Variants in RELCH observed in about 807,000 individuals in gnomAD.
The protein encoded by RELCH is RAB11-binding protein RELCH.
RELCH carries 41 observed loss-of-function variants against 150.3 expected under a neutral mutation model. That is an observed-to-expected ratio of 0.27 (90% CI 0.21 to 0.35). RELCH has a LOEUF of 0.35. Ranked by LOEUF, RELCH falls within the 10% of genes least tolerant of loss-of-function variation. The probability of loss-of-function intolerance (pLI) is 1.00; values close to 1 mark genes in which losing one functional copy is unlikely to be tolerated. For missense variants in RELCH, 1,092 were observed against 1,467.8 expected, an observed-to-expected ratio of 0.74 and a Z score of 4.18; for synonymous variants, 478 against 531.8, an observed-to-expected ratio of 0.90 and a Z score of 1.39.
intron 19 of RELCH, among the ~76,000 whole-genome samples, chr18:62,267,134 AG>A (rs1439897385): frequency 6.6e-6 from 1 of 151,936 alleles, no homozygotes; most frequent in Non-Finnish European, 1.5e-5. Context: ...ATAGTGGAAA[AG>A]AACGGTATAT....
intron 22 of RELCH, chr18:62,277,565 C>A (rs536758559): frequency 5.8e-5 from 44 of 752,918 alleles, no homozygotes; most frequent in Admixed American, 6.3e-5. Flanking sequence ...ATAAAAAAAA[C>A]ACATTCTTTT....
chr18:62,211,515 T>C (rs1007270404), intron 2 of RELCH, among the ~76,000 whole-genome samples: 3 of 152,220 alleles, frequency 2.0e-5, no homozygotes, highest in Admixed American at 1.3e-4. Flanking sequence ...GTAAAACTAA[T>C]GTATGACAGG....
At chr18:62,221,569 C>CTT (rs61684460) in intron 5 of RELCH, 72 bp downstream of exon 5, 825 of 469,020 alleles carry the variant, frequency 1.8e-3, no homozygotes, top group Middle Eastern at 6.9e-3. Flanking sequence ...TACGTAGTTT[C>CTT]TTTTTTTTTT....
chr18:62,267,961 A>G (rs185594287), intron 19 of RELCH, among the ~76,000 whole-genome samples: 1 of 152,128 alleles, frequency 6.6e-6, no homozygotes, highest in Non-Finnish European at 1.5e-5. Flanking sequence ...AGGTACTCTC[A>G]CCAAGAGAAT....
chr18:62,285,396 G>T (rs1214382844), intron 25 of RELCH: 1 of 152,108 alleles, frequency 6.6e-6, no homozygotes. Flanking sequence ...AAAGAAAAAG[G>T]CTTCTGCAGT....
chr18:62,236,626 CTT>C (rs1313962829), intron 10 of RELCH, among the ~76,000 whole-genome samples: 1 of 151,836 alleles, frequency 6.6e-6, no homozygotes, highest in Non-Finnish European at 1.5e-5. Context: ...ATAGTATTAA[CTT>C]ATATCTTTTA....
At chr18:62,191,652 G>T (rs976405113) in intron 1 of RELCH, among the ~76,000 whole-genome samples, 1 of 152,138 alleles carries the variant, frequency 6.6e-6, no homozygotes, top group African/African-American at 2.4e-5. Flanking sequence ...TTGGTTTTCT[G>T]TTTCTGTGTT....
chr18:62,292,761 TGTCTTTCTAATCTCTTCC>T (rs2045217942), intron 27 of RELCH, among the ~76,000 whole-genome samples: 1 of 152,220 alleles, frequency 6.6e-6, no homozygotes, highest in Admixed American at 6.5e-5. Context: ...AATTTCATAA[TGTCTTTCTAATCTCTTCC>T]GTTTCTTTAT....
rs1600274857 is a variant in RELCH, at chr18:62,294,968, G to A, written c.3459+3337G>A. ...TATTGGGGAACATTCTTTCTCACTGGTTTCTTTGTCAATTATTATAAAAAT... is the reference window on the plus strand; with the variant it reads ...TATTGGGGAACATTCTTTCTCACTGATTTCTTTGTCAATTATTATAAAAAT... On this transcript the variant is annotated intron_variant, in intron 27 of 28. Coordinates refer to ENST00000644646, the MANE Select transcript of RELCH (RefSeq NM_001346231.2). 2.0e-5 allele frequency among the ~76,000 whole-genome samples: 3 copies of A among 152,176 alleles called. No homozygotes were observed. In the South Asian group the frequency reaches 6.2e-4, roughly 32 times the overall value.
At chr18:62,287,103 C>T (rs1370363107) in intron 25 of RELCH, among the ~76,000 whole-genome samples, 1 of 152,066 alleles carries the variant, frequency 6.6e-6, no homozygotes, top group African/African-American at 2.4e-5. Flanking sequence ...TATATACATC[C>T]TCATAATTAG....
intron 13 of RELCH, among the ~76,000 whole-genome samples, chr18:62,256,945 A>G (rs1469860673): frequency 6.6e-6 from 1 of 152,044 alleles, no homozygotes; most frequent in Non-Finnish European, 1.5e-5. Context: ...ACCAACCTAA[A>G]TGTGTTTTAA....
In RELCH at chr18:62,305,357, A is replaced by G; in HGVS notation, c.3531-57A>G. 1.3e-6 allele frequency: 2 copies of G among 1,500,582 alleles called. No homozygotes were observed. Among genetic ancestry groups the G allele is most frequent in the Non-Finnish European group, 1.8e-6 (2 of 1,111,528 alleles). The allele number at this position is 1,500,582 out of a possible 1,614,324, so 93.0% of individuals were successfully genotyped here. On this transcript the variant is annotated intron_variant, in intron 28 of 28. Transcript: ENST00000644646. The surrounding 1 kb of genome is among the most constrained non-coding windows in gnomAD (Gnocchi z 4.0). ...TCGTTAATGATATGCTACTAAATAA[A>G]TGAAAAATTTTTATTTTTTTAATTG...
At chr18:62,191,078 G>C (rs953748596) in intron 1 of RELCH, among the ~76,000 whole-genome samples, 3 of 152,124 alleles carry the variant, frequency 2.0e-5, no homozygotes, top group African/African-American at 7.2e-5. Context: ...TCCCCAAAAG[G>C]GGGGGATAAA....
intron 28 of RELCH, chr18:62,300,288 C>T (rs1380122565): frequency 6.6e-6 from 1 of 152,148 alleles, no homozygotes; most frequent in Non-Finnish European, 1.5e-5. Flanking sequence ...CTGTTCTCCT[C>T]AGGTTTTTAC....
chr18:62,269,266 AGG>A, intron 20 of RELCH: 1 of 254,046 alleles, frequency 3.9e-6, no homozygotes, highest in Middle Eastern at 1.2e-3. Flanking sequence ...CACATACGTT[AGG>A]TGAACTAAGC....
intron 1 of RELCH, among the ~76,000 whole-genome samples, chr18:62,199,290 T>A (rs1246853083): frequency 6.6e-6 from 1 of 152,104 alleles, no homozygotes; most frequent in Non-Finnish European, 1.5e-5. Flanking sequence ...GGAAATTAAT[T>A]ATATACAGAC....
At chr18:62,276,090 A>G (rs945336588) in intron 22 of RELCH, among the ~76,000 whole-genome samples, 1 of 152,184 alleles carries the variant, frequency 6.6e-6, no homozygotes. Flanking sequence ...ATAGCAAATT[A>G]TGTCATAGCC....
intron 10 of RELCH, chr18:62,235,061 TAA>T (rs1298654410): frequency 1.3e-5 from 2 of 151,962 alleles, no homozygotes; most frequent in Non-Finnish European, 2.9e-5. Flanking sequence ...TGAATATATA[TAA>T]GAGCTAAAGC....
chr18:62,191,465 G>A (rs112661870), intron 1 of RELCH, among the ~76,000 whole-genome samples: 10,145 of 152,092 alleles, frequency 0.067, 407 homozygotes, highest in Middle Eastern at 0.15. Flanking sequence ...TGCAGGGTGT[G>A]CAGATTGGTG....
Sources: gnomAD v4.1 joint callset for allele counts (sites outside exome capture counted in the v4.1 genomes callset) on GRCh38, gnomAD v4.1.1 for gene constraint, Gnocchi (gnomAD v3.1) non-coding constraint, MANE v1.5 for transcripts, NCBI Gene and HGNC (gene_info 2026-07-23, HGNC 2026-07-21) for gene names.